SPMIP6: variants seen among roughly 807,000 people sequenced by gnomAD.
SPMIP6 encodes ciliated bronchial epithelial protein 1.
chr9:34,383,027 G>C, the SPMIP6 span, among the ~76,000 whole-genome samples: 1 of 152,178 alleles, frequency 6.6e-6, no homozygotes, highest in Admixed American at 6.6e-5. Flanking sequence ...GCCTACACTT[G>C]TCTTAAACAC....
chr9:34,380,242 C>T, the SPMIP6 span, among the ~76,000 whole-genome samples: 1 of 152,212 alleles, frequency 6.6e-6, no homozygotes, highest in African/African-American at 2.4e-5. Context: ...GGCTTGGCTG[C>T]CGCCGCGTGC....
chr9:34,393,181 GA>G, the SPMIP6 span, among the ~76,000 whole-genome samples: 2 of 152,140 alleles, frequency 1.3e-5, no homozygotes, highest in African/African-American at 4.8e-5. Flanking sequence ...GAGAATCTAG[GA>G]ACACCTAACT....
At chr9:34,393,934 T>C in the SPMIP6 span, among the ~76,000 whole-genome samples, 2 of 152,228 alleles carry the variant, frequency 1.3e-5, no homozygotes, top group African/African-American at 4.8e-5. Context: ...TTTTTACATT[T>C]GCCTACTCAT....
At chr9:34,392,713 G>A in the SPMIP6 span, among the ~76,000 whole-genome samples, 1 of 152,144 alleles carries the variant, frequency 6.6e-6, no homozygotes, top group African/African-American at 2.4e-5. This position sits in a 1 kb window ranked among gnomAD's most constrained non-coding sequence, Gnocchi z 4.6. Flanking sequence ...AAGCAGAACT[G>A]GACATGAAGT....
At chr9:34,381,063 G>C in the SPMIP6 span, 4 of 1,611,732 alleles carry the variant, frequency 2.5e-6, no homozygotes, top group South Asian at 1.1e-5. The surrounding 1 kb of genome is among the most constrained non-coding windows in gnomAD (Gnocchi z 4.4). Flanking sequence ...CACCCGCATC[G>C]GGGCGTGATC....
At chr9:34,396,526 C>A in the SPMIP6 span, among the ~76,000 whole-genome samples, 2 of 152,158 alleles carry the variant, frequency 1.3e-5, no homozygotes, top group Non-Finnish European at 2.9e-5. Context: ...GTTCAAAAAC[C>A]TGGAGCCTTA....
chr9:34,392,442 C>CGTGTGTGTGTGTGTGTGTGT, the SPMIP6 span, among the ~76,000 whole-genome samples: 3 of 148,120 alleles, frequency 2.0e-5, no homozygotes, highest in African/African-American at 5.0e-5. The surrounding 1 kb of genome is among the most constrained non-coding windows in gnomAD (Gnocchi z 4.6). Flanking sequence ...ATCTAAAAAC[C>CGTGTGTGTGTGTGTGTGTGT]GTGTGTGTGT....
chr9:34,391,255 C>T, the SPMIP6 span, among the ~76,000 whole-genome samples: 1 of 152,094 alleles, frequency 6.6e-6, no homozygotes, highest in African/African-American at 2.4e-5. Context: ...TTAATTTCTT[C>T]TACATCTATT....
At chr9:34,382,064 T>G in the SPMIP6 span, among the ~76,000 whole-genome samples, 1 of 152,182 alleles carries the variant, frequency 6.6e-6, no homozygotes, top group Non-Finnish European at 1.5e-5. Flanking sequence ...AGCAGGGAGA[T>G]TCATTGTATC....
chr9:34,381,044 G>A, the SPMIP6 span: 1 of 1,611,820 alleles, frequency 6.2e-7, no homozygotes, highest in Non-Finnish European at 8.5e-7. This position sits in a 1 kb window ranked among gnomAD's most constrained non-coding sequence, Gnocchi z 4.4. Flanking sequence ...GCCGGGCAGC[G>A]GGTCCACGCA....
the SPMIP6 span, among the ~76,000 whole-genome samples, chr9:34,391,237 T>C: frequency 6.6e-6 from 1 of 152,200 alleles, no homozygotes. Flanking sequence ...CAGAACGTTC[T>C]CTTACTTTTA....
the SPMIP6 span, among the ~76,000 whole-genome samples, chr9:34,386,740 GC>G: frequency 2.0e-5 from 3 of 152,158 alleles, no homozygotes; most frequent in African/African-American, 7.2e-5. Flanking sequence ...CTTGGTCCAG[GC>G]CCTGGGCCCC....
chr9:34,380,995 G>A, the SPMIP6 span: 10 of 1,609,592 alleles, frequency 6.2e-6, no homozygotes, highest in Admixed American at 1.2e-4. Context: ...AGTAGTGGCG[G>A]CCCGAGCAAG....
At chr9:34,385,535 CAAAAA>C in the SPMIP6 span, 921 of 295,870 alleles carry the variant, frequency 3.1e-3, no homozygotes, top group East Asian at 5.3e-3. Flanking sequence ...AACTCCGTCT[CAAAAA>C]AAAAAAAAAA....
the SPMIP6 span, among the ~76,000 whole-genome samples, chr9:34,387,272 A>G: frequency 2.6e-5 from 4 of 152,208 alleles, no homozygotes; most frequent in South Asian, 8.3e-4. Context: ...AAGTGCTGGG[A>G]TTACAGGCAT....
At chr9:34,385,304 G>A in the SPMIP6 span, among the ~76,000 whole-genome samples, 32 of 152,086 alleles carry the variant, frequency 2.1e-4, no homozygotes, top group African/African-American at 7.2e-4. Flanking sequence ...GGCCGAGGCG[G>A]GCAGATCACC....
At chr9:34,388,383 A>T in the SPMIP6 span, among the ~76,000 whole-genome samples, 1 of 150,094 alleles carries the variant, frequency 6.7e-6, no homozygotes. Flanking sequence ...AACTCCTGAC[A>T]TCAGGTGGTC....
At chr9:34,387,767 G>GT in the SPMIP6 span, among the ~76,000 whole-genome samples, 1 of 152,234 alleles carries the variant, frequency 6.6e-6, no homozygotes, top group African/African-American at 2.4e-5. Context: ...TTTGAGCTGT[G>GT]TGTAGGCTTT....
the SPMIP6 span, among the ~76,000 whole-genome samples, chr9:34,390,293 G>C: frequency 6.6e-6 from 1 of 151,946 alleles, no homozygotes; most frequent in African/African-American, 2.4e-5. Context: ...TTTTTATCAG[G>C]TTATATTTGC....
Sources: allele counts gnomAD v4.1 joint callset (sites outside exome capture counted in the v4.1 genomes callset), GRCh38; gene constraint gnomAD v4.1.1; non-coding constraint Gnocchi (gnomAD v3.1); transcripts MANE v1.5; gene names NCBI Gene and HGNC (gene_info 2026-07-23, HGNC 2026-07-21).